VAV3: variants seen among roughly 807,000 people sequenced by gnomAD.
The protein encoded by VAV3 is vav guanine nucleotide exchange factor 3, also known as guanine nucleotide exchange factor VAV3.
Under a neutral mutation model 131.2 loss-of-function variants are expected in VAV3, and 94 were observed. That is an observed-to-expected ratio of 0.72 (90% CI 0.61 to 0.85). The LOEUF is 0.85. VAV3 is among the 40% of genes least tolerant of loss of function. VAV3 has a pLI of 0.00. For synonymous variants in VAV3, 349 were observed against 342.0 expected, an observed-to-expected ratio of 1.02 and a Z score of -0.22; for missense variants, 939 against 1,002.7, an observed-to-expected ratio of 0.94 and a Z score of 0.86.
At chr1:107,719,457 A>G (rs1398735513) in intron 15 of VAV3, among the ~76,000 whole-genome samples, 3 of 152,258 alleles carry the variant, frequency 2.0e-5, no homozygotes, top group Non-Finnish European at 4.4e-5. Flanking sequence ...AGACATATGA[A>G]AAAATGCTCC....
intron 25 of VAV3, among the ~76,000 whole-genome samples, chr1:107,583,725 AC>A (rs1388474715): frequency 6.6e-6 from 1 of 151,738 alleles, no homozygotes; most frequent in African/African-American, 2.4e-5. Flanking sequence ...TTCAAGGAGA[AC>A]TACAAACCAC....
intron 2 of VAV3, among the ~76,000 whole-genome samples, chr1:107,804,125 G>A (rs78435278): frequency 0.082 from 12,418 of 152,024 alleles, 764 homozygotes; most frequent in East Asian, 0.27. Context: ...CAGCCTACAT[G>A]TGTCTTCATA....
intron 10 of VAV3, among the ~76,000 whole-genome samples, chr1:107,757,718 T>A (rs1664192304): frequency 6.6e-6 from 1 of 152,222 alleles, no homozygotes; most frequent in Admixed American, 6.5e-5. Flanking sequence ...ATCAGGATGT[T>A]CTATTTGTTG....
At chr1:107,833,552 G>GA in intron 2 of VAV3, among the ~76,000 whole-genome samples, 1 of 151,826 alleles carries the variant, frequency 6.6e-6, no homozygotes, top group Non-Finnish European at 1.5e-5. Context: ...CAAAATTTTA[G>GA]AAATTTTTTT....
At chr1:107,888,779 C>T (rs1218574326) in intron 1 of VAV3, among the ~76,000 whole-genome samples, 3 of 152,020 alleles carry the variant, frequency 2.0e-5, no homozygotes, top group African/African-American at 7.2e-5. Context: ...CACTTTGAAA[C>T]AAAATTATTC....
chr1:107,880,103 A>G (rs1447908678), intron 1 of VAV3, among the ~76,000 whole-genome samples: 4 of 152,228 alleles, frequency 2.6e-5, no homozygotes, highest in Admixed American at 1.3e-4. Flanking sequence ...ACATACAGAC[A>G]AGTGAGTCCA....
intron 19 of VAV3, among the ~76,000 whole-genome samples, chr1:107,670,982 T>C (rs191421738): frequency 1.3e-5 from 2 of 152,294 alleles, no homozygotes; most frequent in East Asian, 1.9e-4. Context: ...AAATGGAAGA[T>C]GCATAAAATA....
chr1:107,727,679 T>A (rs142439664), intron 15 of VAV3, among the ~76,000 whole-genome samples: 1 of 152,226 alleles, frequency 6.6e-6, no homozygotes, highest in African/African-American at 2.4e-5. Flanking sequence ...AGCCATATTT[T>A]AAATTAAATA....
At chr1:107,680,270 G>A (rs1658511581) in intron 19 of VAV3, among the ~76,000 whole-genome samples, 1 of 151,188 alleles carries the variant, frequency 6.6e-6, no homozygotes, top group Non-Finnish European at 1.5e-5. Flanking sequence ...TATGTTTATT[G>A]GTAAAGATAA....
chr1:107,682,696 A>G (rs866255435), intron 19 of VAV3, among the ~76,000 whole-genome samples: 25 of 149,570 alleles, frequency 1.7e-4, no homozygotes, highest in African/African-American at 6.0e-4. Context: ...CTAGGTGAAT[A>G]CCACTTATGA....
rs61550499 is a variant in VAV3, at chr1:107,826,217, C to T, written c.322-46725G>A. 4.9e-3 allele frequency among the ~76,000 whole-genome samples: 749 copies of T among 151,998 alleles called. 6 individuals are homozygous for T. Among genetic ancestry groups the T allele is most frequent in the African/African-American group, 0.016 (662 of 41,454 alleles). ...CTACACATTTACTATATTGTAAATC[C>T]CTATCTACACGATTAGGTTATAATA... On this transcript the variant is annotated intron_variant, in intron 2 of 26. Transcript: ENST00000370056.
chr1:107,916,206 G>T (rs1672614053), intron 1 of VAV3, among the ~76,000 whole-genome samples: 1 of 151,970 alleles, frequency 6.6e-6, no homozygotes. Flanking sequence ...TATATGAAAA[G>T]AAGAAAAAAA....
At chr1:107,590,221 A>T (rs995460761) in intron 25 of VAV3, among the ~76,000 whole-genome samples, 1 of 152,154 alleles carries the variant, frequency 6.6e-6, no homozygotes, top group African/African-American at 2.4e-5. Flanking sequence ...GAACATGCTG[A>T]TCTACACTTT....
At chr1:107,817,770 G>C (rs540525496) in intron 2 of VAV3, among the ~76,000 whole-genome samples, 1 of 152,052 alleles carries the variant, frequency 6.6e-6, no homozygotes, top group Non-Finnish European at 1.5e-5. Context: ...GTCAGAGCTA[G>C]CATAAACCTA....
At chr1:107,958,019 G>T (rs7544186) in intron 1 of VAV3, among the ~76,000 whole-genome samples, 1 of 152,134 alleles carries the variant, frequency 6.6e-6, no homozygotes, top group South Asian at 2.1e-4. Context: ...CACCAATCAC[G>T]CAGACAGAAC....
chr1:107,878,161 T>C (rs887490410), intron 1 of VAV3, among the ~76,000 whole-genome samples: 1 of 152,220 alleles, frequency 6.6e-6, no homozygotes, highest in African/African-American at 2.4e-5. Context: ...TATTTATAAA[T>C]GTATTATGTT....
intron 1 of VAV3, among the ~76,000 whole-genome samples, chr1:107,899,174 A>G (rs1184170467): frequency 6.6e-6 from 1 of 152,220 alleles, no homozygotes; most frequent in Non-Finnish European, 1.5e-5. Flanking sequence ...CTTTTTTCAC[A>G]ATGCAGTTAT....
chr1:107,631,470 T>C (rs1654475031), intron 20 of VAV3, among the ~76,000 whole-genome samples: 1 of 129,352 alleles, frequency 7.7e-6, no homozygotes, highest in Admixed American at 7.7e-5. Flanking sequence ...TTTCTCTTTT[T>C]TAATTTTATT....
intron 19 of VAV3, among the ~76,000 whole-genome samples, chr1:107,648,967 C>T (rs1246203194): frequency 6.6e-6 from 1 of 151,904 alleles, no homozygotes; most frequent in Non-Finnish European, 1.5e-5. Context: ...AAGTGGTGAA[C>T]AACTGAGAGC....
Sources: allele counts gnomAD v4.1 joint callset (sites outside exome capture counted in the v4.1 genomes callset), GRCh38; gene constraint gnomAD v4.1.1; transcripts MANE v1.5; gene names NCBI Gene and HGNC (gene_info 2026-07-23, HGNC 2026-07-21).